Variants in DENND3 observed in about 807,000 individuals in gnomAD.
DENND3 encodes DENN domain-containing protein 3.
A neutral mutation model predicts 135.1 loss-of-function variants in DENND3; 88 were observed. That is an observed-to-expected ratio of 0.65 (90% CI 0.55 to 0.78). DENND3 has a LOEUF of 0.78. Ranked by LOEUF, DENND3 falls within the 30% of genes least tolerant of loss-of-function variation. The probability of loss-of-function intolerance (pLI) is 0.00; values close to 1 mark genes in which losing one functional copy is unlikely to be tolerated. For missense variants in DENND3, 1,392 were observed against 1,688.4 expected (o/e 0.82, Z 3.08); for synonymous variants, 693 against 712.3 (o/e 0.97, Z 0.43).
intron 17 of DENND3, among the ~76,000 whole-genome samples, chr8:141,183,640 G>A (rs370892624): frequency 7.4e-4 from 112 of 151,772 alleles, no homozygotes; most frequent in African/African-American, 1.7e-3. Context: ...AAAATTGAGG[G>A]TAGAAGACCA....
chr8:141,190,896 G>A (rs185483917), intron 20 of DENND3, among the ~76,000 whole-genome samples: 1 of 152,380 alleles, frequency 6.6e-6, no homozygotes, highest in East Asian at 1.9e-4. Flanking sequence ...TTGCCAGGGG[G>A]GCGATGGGAG....
rs1441704511 is a variant in DENND3 at position 141,137,446 on chromosome 8, T to C, written c.386-576T>C. Among the ~76,000 whole-genome samples, 1 of 152,164 alleles carries C rather than the reference T, an allele frequency of 6.6e-6. No homozygotes were observed. Among genetic ancestry groups the C allele is most frequent in the Non-Finnish European group, 1.5e-5 (1 of 68,036 alleles). On this transcript the variant is annotated intron_variant, in intron 2 of 22. Transcript: ENST00000519811. This position sits in a 1 kb window ranked among gnomAD's most constrained non-coding sequence, Gnocchi z 4.1. The stretch of plus-strand genomic sequence containing the variant: ...TTTGACTTAAAATGAAGTCTTGCAG[T>C]GGTTGGCAGATGGATTAAAAATACA...
At chr8:141,184,671 G>A (rs1170000367) in intron 17 of DENND3, 1 of 156,314 alleles carries the variant, frequency 6.4e-6, no homozygotes, top group African/African-American at 2.4e-5. Flanking sequence ...TTAAAAAGAT[G>A]GACGGACGCC....
chr8:141,189,074 G>A lies in DENND3; in HGVS notation c.3173G>A (p.Cys1058Tyr). 1 of 1,614,186 alleles carries A rather than the reference G, an allele frequency of 6.2e-7. No homozygotes were observed. The highest frequency in any genetic ancestry group is 1.1e-5 in the South Asian group (1 of 91,082). ...IYIINVHSMSCNKQLTAHCSS... is the reference protein window; with the variant it reads ...IYIINVHSMSYNKQLTAHCSS... ...ATCATCAACGTCCACAGCATGTCCT[G>A]CAACAAGCAGCTCACAGCCCACTGC... is the stretch of plus-strand genomic sequence containing the variant. Residue 1058 changes from cysteine to tyrosine, a missense_variant, in exon 19 of 23, where the codon TGC becomes TAC. Physicochemically the swap from Cys to Tyr is radical, Grantham distance 194. Coordinates refer to ENST00000519811, the MANE Select transcript of DENND3 (RefSeq NM_001352890.3).
At chr8:141,150,768 A>C (rs1041054959) in intron 5 of DENND3, 66 bp from the exon 6 acceptor site, 1 of 1,497,590 alleles carries the variant, frequency 6.7e-7, no homozygotes, top group African/African-American at 1.4e-5. Flanking sequence ...AAATAGTGAC[A>C]GTAGTGCACG....
chr8:141,160,693 C>T lies in DENND3; in HGVS notation c.1258C>T (p.Leu420=). ...CGCCCACCTCCTCTCCAGCACAGACCTGAAGGAGGGCCGAGCCCACCGGCG... is the reference window on the plus strand; with the variant it reads ...CGCCCACCTCCTCTCCAGCACAGACTTGAAGGAGGGCCGAGCCCACCGGCG... The part of the protein sequence containing the change: ...HAAHLLSSTD[L]KEGRAHRRSW... The change falls in exon 9 of 23, where the codon CTG becomes TTG. Residue 420 remains leucine, a synonymous_variant. Transcript: ENST00000519811. The T allele has an allele frequency of 1.2e-6, 2 of 1,613,454 alleles. No homozygotes were observed. Among genetic ancestry groups the T allele is most frequent in the East Asian group, 4.5e-5 (2 of 44,890 alleles).
chr8:141,158,218 G>C (rs1485628222), intron 8 of DENND3: 4 of 1,289,606 alleles, frequency 3.1e-6, no homozygotes, highest in African/African-American at 3.0e-5. Context: ...CAGCTGTTCT[G>C]TTGGCAACTG....
In DENND3 at chr8:141,138,118, AG is replaced by A; in HGVS notation, c.483del (p.Gln161HisfsTer53). ...AATAGGACCTATGGCGTGGTGGCCC[AG>A]TACTACCGGCCCCTGCATGTAGGTG... The part of the protein sequence containing the change: ...CGNRTYGVVA[Q>X]YYRPLHDEYC... On this transcript the variant is annotated frameshift_variant, in exon 3 of 23. Coordinates refer to ENST00000519811, the MANE Select transcript of DENND3 (RefSeq NM_001352890.3). LOFTEE classifies it high-confidence loss of function. The surrounding 1 kb of genome is among the most constrained non-coding windows in gnomAD (Gnocchi z 4.8). 1 of 1,607,186 alleles carries A rather than the reference AG, an allele frequency of 6.2e-7. No homozygotes were observed.
intron 8 of DENND3, among the ~76,000 whole-genome samples, chr8:141,159,152 G>A (rs1462591100): frequency 1.3e-5 from 2 of 152,192 alleles, no homozygotes; most frequent in East Asian, 1.9e-4. Context: ...TGCTCAGCAC[G>A]TTTGGAGAGA....
In DENND3 at chr8:141,190,368, G is replaced by C. The variant is rs1045303; in HGVS notation, c.3330G>C (p.Pro1110=). The C allele has an allele frequency of 9.7e-4, 1,559 of 1,612,468 alleles. 6 individuals carry two copies. The highest frequency in any genetic ancestry group is 7.3e-4 in the Non-Finnish European group (866 of 1,179,672). ...AGGTGACCAGCCGCTTCCAGCTGCC[G>C]CGAGGTGGCCTGACGTCCATCAGAC... is the stretch of plus-strand genomic sequence containing the variant. ...TLQVTSRFQL[P]RGGLTSIRLH... The change falls in exon 20 of 23, where the codon CCG becomes CCC. Residue 1110 remains proline (P), a synonymous_variant. Transcript: ENST00000519811.
rs1468667671 is a variant in DENND3, at chr8:141,185,188, G to A, written c.2994G>A (p.Trp998Ter). 4 of 1,614,098 alleles carry A rather than the reference G, an allele frequency of 2.5e-6. No homozygotes were observed. The Admixed American group carries it at 5.0e-5, about 20-fold the overall frequency. ...EKVEDAHPKLWCALSEGKVTV... is the reference protein window; with the variant it reads ...EKVEDAHPKL ...TTGAAGATGCTCACCCCAAGTTATG[G>A]TGTGCTCTGAGCGAAGGCAAGGTGA... is the stretch of plus-strand genomic sequence containing the variant. The change falls in exon 18 of 23, where the codon TGG (tryptophan) becomes TGA (stop). Residue 998 changes from tryptophan (W) to a stop codon, truncating the protein, a stop_gained. Coordinates refer to ENST00000519811, the MANE Select transcript of DENND3 (RefSeq NM_001352890.3). LOFTEE classifies it high-confidence loss of function.
At position 141,168,120 on chromosome 8, in the gene DENND3, G is replaced by C; in HGVS notation, c.1870G>C (p.Ala624Pro). Residue 624 changes from alanine (A) to proline (P), a missense_variant, in exon 13 of 23, where the codon GCC (alanine) becomes CCC (proline). Physicochemically the swap from Ala to Pro is conservative, Grantham distance 27. Transcript: ENST00000519811. The surrounding 1 kb of genome is among the most constrained non-coding windows in gnomAD (Gnocchi z 6.2). ...HAHFVSMLSE[A>P]MCFLAPDNSL... The stretch of plus-strand genomic sequence containing the variant: ...CCACTTTGTCTCCATGCTGAGCGAG[G>C]CCATGTGCTTTCTGGCCCCCGATAA... 2.5e-6 allele frequency: 4 copies of C among 1,614,184 alleles called. No individual in the cohort carries two copies. In the South Asian group the frequency reaches 3.3e-5, roughly 13 times the overall value.
chr8:141,183,797 C>A (rs1823515785), intron 17 of DENND3, among the ~76,000 whole-genome samples: 1 of 149,026 alleles, frequency 6.7e-6, no homozygotes, highest in African/African-American at 2.5e-5. Context: ...GTGCAACAGG[C>A]TCCAGGGCAA....
At chr8:141,162,957 C>G (rs1820321549) in intron 9 of DENND3, among the ~76,000 whole-genome samples, 1 of 152,198 alleles carries the variant, frequency 6.6e-6, no homozygotes, top group South Asian at 2.1e-4. Context: ...AGTGACTTGT[C>G]CGGGAAGGCT....
intron 5 of DENND3, among the ~76,000 whole-genome samples, chr8:141,145,179 G>A (rs1817892700): frequency 1.3e-5 from 2 of 152,216 alleles, no homozygotes; most frequent in Admixed American, 6.5e-5. Flanking sequence ...TATGTAGCAA[G>A]GGCCTCAGCC....
At chr8:141,162,674 G>A (rs538662640) in intron 9 of DENND3, among the ~76,000 whole-genome samples, 1 of 152,244 alleles carries the variant, frequency 6.6e-6, no homozygotes, top group South Asian at 2.1e-4. Flanking sequence ...GGTGGCTCAC[G>A]CCTGTAATCC....
chr8:141,147,006 G>A (rs1340223980), intron 5 of DENND3, among the ~76,000 whole-genome samples: 3 of 152,182 alleles, frequency 2.0e-5, no homozygotes, highest in East Asian at 1.9e-4. Flanking sequence ...GAATGCGTGC[G>A]TAGCACTCCC....
chr8:141,183,657 G>A (rs555659508), intron 17 of DENND3, among the ~76,000 whole-genome samples: 2 of 151,364 alleles, frequency 1.3e-5, no homozygotes, highest in Admixed American at 6.6e-5. Flanking sequence ...ACCAAAGAGC[G>A]CCCTCTGGCA....
intron 18 of DENND3, chr8:141,188,223 T>C: frequency 6.6e-6 from 1 of 152,482 alleles, no homozygotes; most frequent in South Asian, 2.1e-4. Flanking sequence ...AGACTCTGTC[T>C]CAAAATAAAC....
Sources: allele counts gnomAD v4.1 joint callset (sites outside exome capture counted in the v4.1 genomes callset), GRCh38; gene constraint gnomAD v4.1.1; non-coding constraint Gnocchi (gnomAD v3.1); transcripts MANE v1.5; gene names NCBI Gene and HGNC (gene_info 2026-07-23, HGNC 2026-07-21).